ZFAND4: variants seen among roughly 807,000 people sequenced by gnomAD.
The protein encoded by ZFAND4 is zinc finger AN1-type containing 4, also known as AN1-type zinc finger protein 4.
In ZFAND4, 43 loss-of-function variants were observed where a neutral mutation model predicts 64.4. The ratio of observed to expected loss-of-function variants is 0.67; its 90% CI spans 0.52 to 0.86. ZFAND4 has a LOEUF of 0.86. Ranked by LOEUF, ZFAND4 falls within the 40% of genes least tolerant of loss-of-function variation. The probability of loss-of-function intolerance (pLI) is 0.00; values close to 1 mark genes in which losing one functional copy is unlikely to be tolerated. For missense variants in ZFAND4, 929 were observed against 859.8 expected, an observed-to-expected ratio of 1.08 and a Z score of -1.01; for synonymous variants, 296 against 305.7, an observed-to-expected ratio of 0.97 and a Z score of 0.33.
intron 5 of ZFAND4, among the ~76,000 whole-genome samples, chr10:45,642,361 A>T (rs1305529128): frequency 6.6e-6 from 1 of 152,168 alleles, no homozygotes; most frequent in Non-Finnish European, 1.5e-5. Flanking sequence ...TAATCCCAGC[A>T]CTTTGGGAGG....
rs1386677604 is a variant in ZFAND4, at chr10:45,615,648, A to G, written c.*788T>C. ...CTCCTGGTAATAGCACTCAACAAAT[A>G]AGAAAAACCGAGCTGTGAGATTTTG... On this transcript the variant is annotated 3_prime_UTR_variant, in exon 10 of 10. Coordinates refer to ENST00000344646, the MANE Select transcript of ZFAND4 (RefSeq NM_174890.4). 6.6e-6 allele frequency: 1 copy of G among 152,074 alleles called. No homozygotes were observed. Among genetic ancestry groups the G allele is most frequent in the East Asian group, 1.9e-4 (1 of 5,200 alleles). The allele number at this position is 152,074 out of a possible 1,614,324, so 9.4% of individuals were successfully genotyped here.
At chr10:45,638,856 A>C (rs551497383) in intron 6 of ZFAND4, among the ~76,000 whole-genome samples, 32 of 152,360 alleles carry the variant, frequency 2.1e-4, no homozygotes, top group African/African-American at 5.3e-4. Flanking sequence ...CATACTCTCT[A>C]TGATTCCATT....
intron 8 of ZFAND4, among the ~76,000 whole-genome samples, chr10:45,621,395 T>C (rs2045410308): frequency 6.9e-6 from 1 of 144,228 alleles, no homozygotes; most frequent in Non-Finnish European, 1.5e-5. Flanking sequence ...AAAAAGCATA[T>C]ATCTGGGGAC....
intron 2 of ZFAND4, among the ~76,000 whole-genome samples, chr10:45,656,317 C>T (rs147053964): frequency 4.1e-4 from 61 of 148,636 alleles, no homozygotes; most frequent in African/African-American, 1.4e-3. Context: ...AAGAGGGAAT[C>T]GGCCAGGCAA....
intron 1 of ZFAND4, among the ~76,000 whole-genome samples, chr10:45,670,922 G>A (rs983422424): frequency 2.0e-5 from 3 of 152,224 alleles, no homozygotes; most frequent in African/African-American, 7.2e-5. Flanking sequence ...AAAAAATTTT[G>A]CAATCTACCC....
chr10:45,616,984 AGGAGAATCGCTTGAACCCAGGAGGT>A (rs2045017181), intron 9 of ZFAND4, among the ~76,000 whole-genome samples: 1 of 152,042 alleles, frequency 6.6e-6, no homozygotes, highest in African/African-American at 2.4e-5. Flanking sequence ...AGGCTGAGGC[AGGAGAATCGCTTGAACCCAGGAGGT>A]GGAGGTTGCA....
At chr10:45,642,083 C>T (rs2047037405) in intron 5 of ZFAND4, among the ~76,000 whole-genome samples, 2 of 152,152 alleles carry the variant, frequency 1.3e-5, no homozygotes, top group Admixed American at 6.5e-5. Flanking sequence ...TGAAGATTTT[C>T]GTCATGTCAC....
chr10:45,670,347 C>T (rs1363153017), intron 1 of ZFAND4, among the ~76,000 whole-genome samples: 5 of 152,098 alleles, frequency 3.3e-5, no homozygotes, highest in African/African-American at 9.7e-5. Flanking sequence ...CTGCCTCAGC[C>T]TCCCTAGTAG....
At chr10:45,667,532 G>A (rs1252181384) in intron 1 of ZFAND4, among the ~76,000 whole-genome samples, 7 of 137,730 alleles carry the variant, frequency 5.1e-5, no homozygotes, top group African/African-American at 1.6e-4. Context: ...GAAATGGCAC[G>A]ATCTCCGCTT....
rs74699241 is a variant in ZFAND4, at chr10:45,616,268, A to T, written c.*168T>A. 37,891 of 910,966 alleles carry T rather than the reference A, an allele frequency of 0.042. 1,141 individuals carry two copies. The highest frequency in any genetic ancestry group is 0.12 in the African/African-American group (7,250 of 58,196). 56.4% of individuals were successfully genotyped at this position (910,966 alleles called of 1,614,324 possible). A position where few individuals can be genotyped will look rare whatever the true frequency, so the allele number is the denominator to read the frequency against. ...TTTTAAAACTTTTGTTTCACCAAGA[A>T]ATAAAGATGTAAAATACAGTAGCAT... On this transcript the variant is annotated 3_prime_UTR_variant, in exon 10 of 10. Transcript: ENST00000344646.
At chr10:45,630,769 A>G (rs1005500157) in intron 6 of ZFAND4, among the ~76,000 whole-genome samples, 4 of 151,954 alleles carry the variant, frequency 2.6e-5, no homozygotes, top group African/African-American at 9.7e-5. Flanking sequence ...AGCCAAAAGA[A>G]TAAAAATAAA....
chr10:45,667,829 G>C (rs942082048), intron 1 of ZFAND4, among the ~76,000 whole-genome samples: 1 of 152,136 alleles, frequency 6.6e-6, no homozygotes, highest in African/African-American at 2.4e-5. Context: ...TTGAATAAAA[G>C]TGGTGAGACT....
intron 6 of ZFAND4, 125 bp downstream of exon 6, chr10:45,639,691 C>T: frequency 8.1e-7 from 1 of 1,230,228 alleles, no homozygotes; most frequent in Non-Finnish European, 1.1e-6. Flanking sequence ...TAATAAATAA[C>T]TGAGGCCAGA....
At chr10:45,639,677 A>G in intron 6 of ZFAND4, 139 bp downstream of exon 6, 1 of 1,057,908 alleles carries the variant, frequency 9.5e-7, no homozygotes, top group Non-Finnish European at 1.3e-6. Context: ...CCCTTTTAGA[A>G]GTTTAATAAA....
intron 2 of ZFAND4, among the ~76,000 whole-genome samples, chr10:45,653,878 C>T (rs999048168): frequency 3.3e-5 from 5 of 152,180 alleles, no homozygotes; most frequent in African/African-American, 1.2e-4. Context: ...GTATGTTCAT[C>T]ACAGTACTAT....
chr10:45,664,652 G>C (rs2048692535), intron 1 of ZFAND4, among the ~76,000 whole-genome samples: 1 of 151,508 alleles, frequency 6.6e-6, no homozygotes, highest in Non-Finnish European at 1.5e-5. Context: ...TAGGCTGGGG[G>C]CTGTGGCTCA....
chr10:45,622,746 C>A, intron 8 of ZFAND4, among the ~76,000 whole-genome samples: 1 of 152,162 alleles, frequency 6.6e-6, no homozygotes, highest in East Asian at 1.9e-4. Context: ...ACATCAGATA[C>A]TTCATTGGGT....
intron 8 of ZFAND4, among the ~76,000 whole-genome samples, chr10:45,620,198 G>A (rs1260963205): frequency 1.3e-5 from 2 of 151,860 alleles, no homozygotes; most frequent in African/African-American, 2.4e-5. Context: ...AAGAACTCTT[G>A]TGAGGCTGGG....
At chr10:45,652,912 A>G (rs1210506158) in intron 3 of ZFAND4, 72 bp downstream of exon 3, 3 of 1,200,400 alleles carry the variant, frequency 2.5e-6, no homozygotes, top group East Asian at 4.7e-5. Flanking sequence ...TAAGAGTTCA[A>G]AAGAAAAACA....
Sources: gnomAD v4.1 joint callset for allele counts (sites outside exome capture counted in the v4.1 genomes callset) on GRCh38, gnomAD v4.1.1 for gene constraint, MANE v1.5 for transcripts, NCBI Gene and HGNC (gene_info 2026-07-23, HGNC 2026-07-21) for gene names.